Variants in IQCB1 observed in about 807,000 individuals in gnomAD.
The protein encoded by IQCB1 is IQ motif containing B1, also known as IQ calmodulin-binding motif-containing protein 1.
A neutral mutation model predicts 84.4 loss-of-function variants in IQCB1; 56 were observed. The ratio of observed to expected loss-of-function variants is 0.66; its 90% confidence interval spans 0.54 to 0.83. The LOEUF is 0.83. Among genes scored for constraint, IQCB1 ranks in the 40% least tolerant of loss-of-function variants. IQCB1 has a pLI of 0.00. For missense variants in IQCB1, 629 were observed against 682.1 expected (o/e 0.92, Z 0.87); for synonymous variants, 210 against 234.8 (o/e 0.89, Z 0.96).
intron 14 of IQCB1, among the ~76,000 whole-genome samples, chr3:121,770,895 C>T (rs1651806109): frequency 6.6e-6 from 1 of 152,144 alleles, no homozygotes; most frequent in Non-Finnish European, 1.5e-5. Flanking sequence ...TGGTCTCAAA[C>T]TCCTGGACTC....
intron 13 of IQCB1, among the ~76,000 whole-genome samples, chr3:121,779,155 G>C (rs1308054255): frequency 6.6e-6 from 1 of 151,776 alleles, no homozygotes; most frequent in Non-Finnish European, 1.5e-5. Context: ...GATATTCCTT[G>C]GCACAGTTTT....
intron 13 of IQCB1, 30 bp from the exon 14 acceptor site, chr3:121,772,743 C>T: frequency 5.6e-6 from 9 of 1,612,434 alleles, no homozygotes; most frequent in Middle Eastern, 1.7e-4. Flanking sequence ...AAACCTGTCA[C>T]AGAGAGGACA....
intron 13 of IQCB1, 134 bp from the exon 14 acceptor site, chr3:121,772,847 T>G (rs1948058633): frequency 1.3e-6 from 1 of 793,766 alleles, no homozygotes; most frequent in Admixed American, 2.0e-5. Context: ...ATGTCTATCT[T>G]GTACTCTTAT....
intron 7 of IQCB1, among the ~76,000 whole-genome samples, chr3:121,802,052 C>T (rs575224651): frequency 1.3e-5 from 2 of 151,838 alleles, no homozygotes; most frequent in African/African-American, 4.8e-5. Context: ...TTGTTCAGAA[C>T]ATTTCTATCT....
intron 7 of IQCB1, among the ~76,000 whole-genome samples, chr3:121,802,579 T>C (rs558790172): frequency 9.9e-5 from 15 of 152,260 alleles, no homozygotes; most frequent in African/African-American, 3.6e-4. Flanking sequence ...AGTTTATGGT[T>C]TGTTTTCTCA....
intron 13 of IQCB1, among the ~76,000 whole-genome samples, chr3:121,777,712 A>G (rs1360798254): frequency 6.6e-6 from 1 of 152,156 alleles, no homozygotes; most frequent in African/African-American, 2.4e-5. Context: ...TCACACCAAC[A>G]GTGTGTAAGT....
At chr3:121,824,218 A>G (rs1259555492) in intron 5 of IQCB1, among the ~76,000 whole-genome samples, 2 of 152,144 alleles carry the variant, frequency 1.3e-5, no homozygotes, top group Non-Finnish European at 2.9e-5. Context: ...GATAGTACTG[A>G]ACCCTATATA....
Position 121,788,417 on chromosome 3 carries a change from T to G in IQCB1, c.1145A>C (p.His382Pro), listed in dbSNP as rs1948823357. 1.9e-6 allele frequency: 3 copies of G among 1,613,664 alleles called. No homozygotes were observed. Among genetic ancestry groups the G allele is most frequent in the South Asian group, 2.2e-5 (2 of 91,080 alleles). ...TGATTTCTCTTCCATTTCCCGATAG[T>G]GTTTCTCCACCTGACCTAAAAAGAT... ...EIVHPGQVEK[H>P]YREMEEKSAL... The change falls in exon 12 of 15, where the codon CAC (histidine) becomes CCC (proline). Residue 382 changes from histidine (H) to proline (P), a missense_variant. His to Pro is a moderately conservative substitution (Grantham distance 77). Coordinates refer to ENST00000310864, the MANE Select transcript of IQCB1 (RefSeq NM_001023570.4).
intron 5 of IQCB1, among the ~76,000 whole-genome samples, chr3:121,815,517 C>T (rs1168315647): frequency 6.6e-6 from 1 of 152,184 alleles, no homozygotes. Flanking sequence ...CCCATCGTCT[C>T]AGCCCAAAAC....
intron 8 of IQCB1, among the ~76,000 whole-genome samples, chr3:121,798,615 A>T (rs1273326962): frequency 6.6e-6 from 1 of 151,954 alleles, no homozygotes; most frequent in Non-Finnish European, 1.5e-5. Context: ...TAATGCATAT[A>T]AAGTATATGG....
At chr3:121,821,878 T>A (rs913344531) in intron 5 of IQCB1, among the ~76,000 whole-genome samples, 10 of 152,254 alleles carry the variant, frequency 6.6e-5, no homozygotes, top group African/African-American at 2.4e-4. Context: ...AGGGTATTTT[T>A]AGATGAGTTT....
chr3:121,781,060 C>T (rs1404338012), intron 13 of IQCB1, among the ~76,000 whole-genome samples: 2 of 152,038 alleles, frequency 1.3e-5, no homozygotes, highest in African/African-American at 2.4e-5. Flanking sequence ...TGTGAAAGCA[C>T]GGGAGAAGCA....
At chr3:121,789,788 T>C (rs1339429852) in intron 11 of IQCB1, among the ~76,000 whole-genome samples, 1 of 152,158 alleles carries the variant, frequency 6.6e-6, no homozygotes, top group Non-Finnish European at 1.5e-5. Context: ...TATCTTTGTG[T>C]CTCTAACAGC....
At chr3:121,832,067 A>C (rs1349620252) in intron 2 of IQCB1, among the ~76,000 whole-genome samples, 1 of 152,204 alleles carries the variant, frequency 6.6e-6, no homozygotes, top group Non-Finnish European at 1.5e-5. Flanking sequence ...GTTAGATGAA[A>C]ATTGGTATGA....
At chr3:121,774,441 A>G (rs1043417447) in intron 13 of IQCB1, among the ~76,000 whole-genome samples, 2 of 152,246 alleles carry the variant, frequency 1.3e-5, no homozygotes, top group African/African-American at 2.4e-5. Context: ...TACTCACCCA[A>G]AAGAATTGAA....
intron 13 of IQCB1, among the ~76,000 whole-genome samples, chr3:121,777,964 G>A (rs1948298623): frequency 1.3e-5 from 2 of 150,670 alleles, no homozygotes; most frequent in South Asian, 2.1e-4. Flanking sequence ...CTGGAGTGCA[G>A]TAGCATGAAC....
chr3:121,775,297 A>T (rs924943289), intron 13 of IQCB1, among the ~76,000 whole-genome samples: 4 of 145,554 alleles, frequency 2.7e-5, no homozygotes, highest in African/African-American at 1.1e-4. Flanking sequence ...TGCAGCCATA[A>T]AAAAGGATGA....
chr3:121,799,024 G>A (rs1949304151), intron 8 of IQCB1, among the ~76,000 whole-genome samples, 172 bp downstream of exon 8: 1 of 151,782 alleles, frequency 6.6e-6, no homozygotes. Flanking sequence ...GTGACATGAA[G>A]ATAGCTTGAT....
In IQCB1 at chr3:121,828,643, A is replaced by C. The variant is rs754661063; in HGVS notation, c.101-11T>G. The C allele has an allele frequency of 5.1e-6, 8 of 1,566,538 alleles. No homozygotes were observed. Among genetic ancestry groups the C allele is most frequent in the Non-Finnish European group, 2.6e-6 (3 of 1,138,060 alleles). Reference sequence around the variant, plus strand: ...TGATGTTTATTATTTCTAAGGCAAAAGGAAATAAGATATATTTATTTTTGC... The same window carrying C: ...TGATGTTTATTATTTCTAAGGCAAACGGAAATAAGATATATTTATTTTTGC... On this transcript the variant is annotated splice_polypyrimidine_tract_variant and intron_variant, in intron 3 of 14. Transcript: ENST00000310864.
Sources: allele counts gnomAD v4.1 joint callset (sites outside exome capture counted in the v4.1 genomes callset), GRCh38; gene constraint gnomAD v4.1.1; transcripts MANE v1.5; gene names NCBI Gene and HGNC (gene_info 2026-07-23, HGNC 2026-07-21).